Variants in SMARCA4 observed in about 807,000 individuals in gnomAD.
The protein encoded by SMARCA4 is SWI/SNF-related matrix-associated actin-dependent regulator of chromatin subfamily A member 4.
A neutral mutation model predicts 193.9 loss-of-function variants in SMARCA4; 31 were observed. That is an observed-to-expected ratio of 0.16 (90% CI 0.12 to 0.22). SMARCA4 has a LOEUF of 0.22. Ranked by LOEUF, SMARCA4 falls within the 10% of genes least tolerant of loss-of-function variation. The pLI is 1.00. For synonymous variants in SMARCA4, 942 were observed against 933.1 expected (o/e 1.01, Z -0.17); for missense variants, 1,148 against 2,296.0 (o/e 0.50, Z 10.22).
intron 18 of SMARCA4, 178 bp from the exon 19 acceptor site, chr19:11,021,547 T>C: frequency 1.3e-6 from 1 of 769,138 alleles, no homozygotes; most frequent in Non-Finnish European, 2.2e-6. Flanking sequence ...GAGGCTACGT[T>C]GTGTGGCTCC....
chr19:11,055,947 A>G (rs774397889), intron 30 of SMARCA4, among the ~76,000 whole-genome samples: 8 of 151,884 alleles, frequency 5.3e-5, no homozygotes, highest in Non-Finnish European at 1.0e-4. Flanking sequence ...AGAAGAGACT[A>G]TCGCATTGGG....
chr19:11,040,998 A>C, intron 29 of SMARCA4: 2 of 339,320 alleles, frequency 5.9e-6, no homozygotes, highest in Non-Finnish European at 1.1e-5. Flanking sequence ...GGGTGAAGGG[A>C]TTTCAGGAGC....
At position 10,986,303 on chromosome 19, in the gene SMARCA4, C is replaced by G. The variant is rs2145775018; in HGVS notation, c.470C>G (p.Ala157Gly). ...SGPGGAPLDG[A>G]DPQALGQQNR... Reference sequence around the variant, plus strand: ...CCAGGAGGTGCCCCGCTGGATGGTGCTGACCCCCAGGCCTTGGGGCAGCAG... The same window carrying G: ...CCAGGAGGTGCCCCGCTGGATGGTGGTGACCCCCAGGCCTTGGGGCAGCAG... Residue 157 changes from alanine (A) to glycine (G), a missense_variant, in exon 4 of 35, where the codon GCT becomes GGT. Ala to Gly is a moderately conservative substitution (Grantham distance 60). Coordinates refer to ENST00000344626, the MANE Select transcript of SMARCA4 (RefSeq NM_003072.5). This position sits in a 1 kb window ranked among gnomAD's most constrained non-coding sequence, Gnocchi z 6.7. The G allele has an allele frequency of 6.2e-7, 1 of 1,613,712 alleles. No individual in the cohort carries two copies. The highest frequency in any genetic ancestry group is 1.1e-5 in the South Asian group (1 of 91,082).
chr19:11,030,967 C>T lies in SMARCA4; in HGVS notation c.3546+74C>T, dbSNP rs970705329. On this transcript the variant is annotated intron_variant, in intron 25 of 34. Coordinates refer to ENST00000344626, the MANE Select transcript of SMARCA4 (RefSeq NM_003072.5). The surrounding 1 kb of genome is among the most constrained non-coding windows in gnomAD (Gnocchi z 5.5). Reference sequence around the variant, plus strand: ...CAAAACCTCGAGGAGACGGCCCTGGCTTGAGGGTCCTCCAGCCTCCTCCAC... The same window carrying T: ...CAAAACCTCGAGGAGACGGCCCTGGTTTGAGGGTCCTCCAGCCTCCTCCAC... 41 of 1,392,406 alleles carry T rather than the reference C, an allele frequency of 2.9e-5. No homozygotes were observed. Among genetic ancestry groups the T allele is most frequent in the Non-Finnish European group, 4.1e-5 (41 of 1,006,040 alleles). The allele number at this position is 1,392,406 out of a possible 1,614,324, so 86.3% of individuals were successfully genotyped here.
At chr19:11,057,172 A>G (rs1297869519) in intron 30 of SMARCA4, among the ~76,000 whole-genome samples, 1 of 152,202 alleles carries the variant, frequency 6.6e-6, no homozygotes, top group East Asian at 1.9e-4. Context: ...CTCTGGGCCA[A>G]AGCAGAGAGG....
chr19:11,009,092 G>A (rs2088555562), intron 14 of SMARCA4, among the ~76,000 whole-genome samples: 1 of 119,108 alleles, frequency 8.4e-6, no homozygotes, highest in Non-Finnish European at 1.6e-5. Flanking sequence ...TGCGATCTTG[G>A]CTCACTGCAA....
rs1005157220 is a variant in SMARCA4, at chr19:11,034,712, C to T, written c.3952-202C>T. Among the ~76,000 whole-genome samples the T allele has an allele frequency of 1.3e-5, 2 of 152,210 alleles. No individual in the cohort carries two copies. Among genetic ancestry groups the T allele is most frequent in the Non-Finnish European group, 2.9e-5 (2 of 68,038 alleles). ...CCATCTTTTCGAGTTTCCTCTGCCT[C>T]CTGAGGCAGAGCCTCTAGTCAGGGT... On this transcript the variant is annotated intron_variant, in intron 28 of 34. Coordinates refer to ENST00000344626, the MANE Select transcript of SMARCA4 (RefSeq NM_003072.5). This position sits in a 1 kb window ranked among gnomAD's most constrained non-coding sequence, Gnocchi z 7.0.
At position 11,060,264 on chromosome 19, in the gene SMARCA4, G is replaced by A. The variant is rs2076790376; in HGVS notation, c.4911+77G>A. On this transcript the variant is annotated intron_variant, in intron 34 of 34. Coordinates refer to ENST00000344626, the MANE Select transcript of SMARCA4 (RefSeq NM_003072.5). The stretch of plus-strand genomic sequence containing the variant: ...CGGGGCCCTGATGGGACAGCCCTGT[G>A]GGGCGGTGCTCCCACGCCCCCACGC... 5 of 1,515,184 alleles carry A rather than the reference G, an allele frequency of 3.3e-6. No individual in the cohort carries two copies. The East Asian group carries it at 7.4e-5, about 22-fold the overall frequency. 93.9% of individuals were successfully genotyped at this position (1,515,184 alleles called of 1,614,324 possible).
rs200258214 is a variant in SMARCA4 at position 11,021,838 on chromosome 19, G to A, written c.2730G>A (p.Thr910=). The A allele has an allele frequency of 6.2e-6, 10 of 1,613,722 alleles. No individual in the cohort carries two copies. The East Asian group carries it at 6.7e-5, about 11-fold the overall frequency. ...TGGCACCCCGCCGCCTGCTGCTGACGGGCACACCGCTGCAGAACAAGCTTC... is the reference window on the plus strand; with the variant it reads ...TGGCACCCCGCCGCCTGCTGCTGACAGGCACACCGCTGCAGAACAAGCTTC... ...HYVAPRRLLL[T]GTPLQNKLPE... The change falls in exon 19 of 35, where the codon ACG becomes ACA. Residue 910 remains threonine (T), a synonymous_variant. Coordinates refer to ENST00000344626, the MANE Select transcript of SMARCA4 (RefSeq NM_003072.5).
intron 11 of SMARCA4, among the ~76,000 whole-genome samples, chr19:10,998,159 T>A (rs1366060017): frequency 6.6e-6 from 1 of 152,154 alleles, no homozygotes; most frequent in East Asian, 1.9e-4. Flanking sequence ...AGGCTGTGAT[T>A]ATAGGCGTGA....
intron 21 of SMARCA4, 55 bp downstream of exon 21, chr19:11,024,493 C>A (rs2090109223): frequency 1.7e-6 from 2 of 1,157,982 alleles, no homozygotes; most frequent in Non-Finnish European, 1.3e-6. Context: ...AGGCCGGCAG[C>A]GTGGCAGGCA....
At position 10,986,569 on chromosome 19, in the gene SMARCA4, C is replaced by T. The variant is rs1555753804; in HGVS notation, c.736C>T (p.Pro246Ser). The change falls in exon 4 of 35, where the codon CCT becomes TCT. Residue 246 changes from proline (P) to serine (S), a missense_variant. Around this residue, in one of 17 missense-constraint regions of SMARCA4, gnomAD observed 257 missense variants for 276.5 expected, o/e 0.93. Transcript: ENST00000344626. This position sits in a 1 kb window ranked among gnomAD's most constrained non-coding sequence, Gnocchi z 6.7. ...CCCCGGCCCGGGTCCCGGCCCGGCA[C>T]CTCCAAATTACAGCAGGCCTCATGG... is the stretch of plus-strand genomic sequence containing the variant. Reference protein sequence around the residue: ...PGPGPGPGPAPPNYSRPHGMG... With the variant: ...PGPGPGPGPASPNYSRPHGMG... The T allele has an allele frequency of 6.5e-7, 1 of 1,537,278 alleles. No individual in the cohort carries two copies. The highest frequency in any genetic ancestry group is 8.7e-7 in the Non-Finnish European group (1 of 1,146,778).
chr19:11,034,804 T>C lies in SMARCA4; in HGVS notation c.3952-110T>C. The stretch of plus-strand genomic sequence containing the variant: ...CTACTGTTTAACTCTCGCAGCAGCG[T>C]GGAGCCCCACGGGCAGAGAAAGGCC... On this transcript the variant is annotated intron_variant, in intron 28 of 34. Transcript: ENST00000344626. This position sits in a 1 kb window ranked among gnomAD's most constrained non-coding sequence, Gnocchi z 7.0. 1 of 763,100 alleles carries C rather than the reference T, an allele frequency of 1.3e-6. No individual in the cohort carries two copies. Among genetic ancestry groups the C allele is most frequent in the Non-Finnish European group, 2.3e-6 (1 of 442,642 alleles). The allele number at this position is 763,100 out of a possible 1,614,324, so 47.3% of individuals were successfully genotyped here.
intron 13 of SMARCA4, 100 bp from the exon 14 acceptor site, chr19:11,007,802 G>C (rs2146184679): frequency 7.9e-7 from 1 of 1,258,846 alleles, no homozygotes; most frequent in Non-Finnish European, 1.2e-6. Flanking sequence ...GGTGAGGGCT[G>C]TAAGAAGATC....
Position 11,041,759 on chromosome 19 carries a change from C to A in SMARCA4, c.4424+199C>A, listed in dbSNP as rs943150996. Among the ~76,000 whole-genome samples, 2 of 152,018 alleles carry A rather than the reference C, an allele frequency of 1.3e-5. No homozygotes were observed. The highest frequency in any genetic ancestry group is 4.8e-5 in the African/African-American group (2 of 41,372). On this transcript the variant is annotated intron_variant, in intron 30 of 34. Coordinates refer to ENST00000344626, the MANE Select transcript of SMARCA4 (RefSeq NM_003072.5). The surrounding 1 kb of genome is among the most constrained non-coding windows in gnomAD (Gnocchi z 5.6). The stretch of plus-strand genomic sequence containing the variant: ...GAACAGGGAAGCACACATGTATCTG[C>A]GGTGATGAGAGGGAATGTCACATGT...
intron 7 of SMARCA4, among the ~76,000 whole-genome samples, 170 bp downstream of exon 7, chr19:10,989,613 T>A (rs2086375992): frequency 6.6e-6 from 1 of 152,186 alleles, no homozygotes; most frequent in Non-Finnish European, 1.5e-5. Context: ...TCTTACGGCC[T>A]GCGCAGTGCT....
chr19:11,022,667 C>T (rs1356518088), intron 19 of SMARCA4, among the ~76,000 whole-genome samples: 1 of 152,206 alleles, frequency 6.6e-6, no homozygotes, highest in Non-Finnish European at 1.5e-5. Context: ...GCTGGGCCCA[C>T]CCCCTTCTTC....
chr19:10,978,676 G>C (rs1183837907), intron 1 of SMARCA4, among the ~76,000 whole-genome samples: 2 of 151,638 alleles, frequency 1.3e-5, no homozygotes, highest in East Asian at 2.0e-4. Context: ...GTGGTGGCTC[G>C]TGCCTGTAAT....
intron 1 of SMARCA4, among the ~76,000 whole-genome samples, chr19:10,979,742 C>T (rs1024996757): frequency 6.6e-6 from 1 of 151,354 alleles, no homozygotes; most frequent in Non-Finnish European, 1.5e-5. Context: ...GTATTATAGA[C>T]GTGACCCACC....
Sources: allele counts gnomAD v4.1 joint callset (sites outside exome capture counted in the v4.1 genomes callset), GRCh38; gene constraint gnomAD v4.1.1; regional missense constraint gnomAD v4.1.1; non-coding constraint Gnocchi (gnomAD v3.1); transcripts MANE v1.5; gene names NCBI Gene and HGNC (gene_info 2026-07-23, HGNC 2026-07-21).